HDAC4: variants seen among roughly 807,000 people sequenced by gnomAD.
HDAC4 encodes histone deacetylase A.
A neutral mutation model predicts 135.1 loss-of-function variants in HDAC4; 16 were observed. That is an observed-to-expected ratio of 0.12 (90% CI 0.08 to 0.18). The LOEUF (loss-of-function observed/expected upper bound fraction) is 0.18, where lower values mean the gene tolerates loss of function less well. Among genes scored for constraint, HDAC4 ranks in the 10% least tolerant of loss-of-function variants. The pLI, the probability that HDAC4 is intolerant of heterozygous loss-of-function variation, is 1.00. For synonymous variants in HDAC4, 685 were observed against 653.4 expected (o/e 1.05, Z -0.74); for missense variants, 1,143 against 1,511.8 (o/e 0.76, Z 4.05).
chr2:239,162,357 T>A (rs3791516), intron 6 of HDAC4: 39,403 of 456,212 alleles, frequency 0.086, 2,063 homozygotes, highest in East Asian at 0.18. Context: ...TGGCTCCTCA[T>A]CCTGCCCTTT....
chr2:239,247,311 C>G (rs535871257), intron 2 of HDAC4, among the ~76,000 whole-genome samples: 1 of 152,212 alleles, frequency 6.6e-6, no homozygotes, highest in Non-Finnish European at 1.5e-5. Context: ...AATTCCTACC[C>G]GCATCTACCC....
rs766000387 is a variant in HDAC4 at position 239,053,479 on chromosome 2, C to A, written c.3211G>T (p.Val1071Leu). 1 of 1,613,336 alleles carries A rather than the reference C, an allele frequency of 6.2e-7. No homozygotes were observed. The highest frequency in any genetic ancestry group is 1.7e-5 in the Admixed American group (1 of 60,006). ...GCTCACCTCTTTTCGGCGGGCTTCA[C>A]GCCCACGGACAGCGAGGCCATGGCG... is the stretch of plus-strand genomic sequence containing the variant. ...VTAMASLSVG[V>L]KPAEKRPDEE... The change falls in exon 26 of 27, where the codon GTG becomes TTG. Residue 1071 changes from valine to leucine, a missense_variant. By Grantham distance (32) the Val-to-Leu change is conservative (BLOSUM62 1). This residue lies in a region of HDAC4 where 131 missense variants were observed against 130.6 expected (regional missense o/e 1.00). Coordinates refer to ENST00000543185, the MANE Select transcript of HDAC4 (RefSeq NM_001378414.1).
At chr2:239,147,696 G>A (rs1489308363) in intron 7 of HDAC4, among the ~76,000 whole-genome samples, 2 of 152,288 alleles carry the variant, frequency 1.3e-5, no homozygotes, top group Non-Finnish European at 2.9e-5. Flanking sequence ...GCGTGGGTGA[G>A]GGCAGGAAGG....
At chr2:239,058,309 C>A (rs373968305) in intron 24 of HDAC4, among the ~76,000 whole-genome samples, 8 of 151,824 alleles carry the variant, frequency 5.3e-5, no homozygotes, top group African/African-American at 1.9e-4. Context: ...CAAGAGAAGG[C>A]GAGAAAAGAG....
chr2:239,317,536 A>G (rs913581419), intron 2 of HDAC4, among the ~76,000 whole-genome samples: 1 of 152,222 alleles, frequency 6.6e-6, no homozygotes, highest in African/African-American at 2.4e-5. Context: ...CAGAAACGCC[A>G]GCATGAAGGG....
intron 2 of HDAC4, among the ~76,000 whole-genome samples, chr2:239,247,695 T>C (rs2048545809): frequency 6.6e-6 from 1 of 152,224 alleles, no homozygotes; most frequent in South Asian, 2.1e-4. Context: ...GGAAAATAGG[T>C]GCATGTTAAT....
intron 3 of HDAC4, among the ~76,000 whole-genome samples, chr2:239,195,454 G>C (rs1387244361): frequency 6.6e-6 from 1 of 152,208 alleles, no homozygotes; most frequent in African/African-American, 2.4e-5. Flanking sequence ...GGGTGGGTGG[G>C]GATGAGGCCC....
At chr2:239,276,794 A>C (rs2125307869) in intron 2 of HDAC4, among the ~76,000 whole-genome samples, 1 of 152,356 alleles carries the variant, frequency 6.6e-6, no homozygotes, top group Non-Finnish European at 1.5e-5. Flanking sequence ...GCAAGACGGC[A>C]GAGGGAGGCC....
chr2:239,080,899 C>T (rs1440944188), intron 22 of HDAC4, 196 bp downstream of exon 22: 2 of 592,840 alleles, frequency 3.4e-6, no homozygotes, highest in Non-Finnish European at 6.0e-6. Context: ...GCACTAAGAG[C>T]TGATGGTAAG....
In HDAC4 at chr2:239,252,736, C is replaced by T. The variant is rs375021735; in HGVS notation, c.23-16072G>A. 7.2e-5 allele frequency among the ~76,000 whole-genome samples: 11 copies of T among 152,320 alleles called. 1 individual carries two copies. In the East Asian group the frequency reaches 2.1e-3, roughly 29 times the overall value. ...TTAAAATGTTTTCTTAAACGATTTT[C>T]CAAGGTTTTAAATGCTTCATAGCTC... On this transcript the variant is annotated intron_variant, in intron 2 of 26. Coordinates refer to ENST00000543185, the MANE Select transcript of HDAC4 (RefSeq NM_001378414.1).
chr2:239,312,081 G>C (rs1166618045), intron 2 of HDAC4, among the ~76,000 whole-genome samples: 2 of 152,188 alleles, frequency 1.3e-5, no homozygotes, highest in African/African-American at 2.4e-5. Flanking sequence ...TCTCAGTTTA[G>C]ACTTGAGGAA....
intron 1 of HDAC4, among the ~76,000 whole-genome samples, chr2:239,375,857 C>T (rs1046691923): frequency 4.6e-5 from 7 of 152,208 alleles, no homozygotes. Flanking sequence ...CAGCCCAGGC[C>T]TCTTGCCGGC....
At chr2:239,053,429 C>T in intron 26 of HDAC4, 31 bp downstream of exon 26, 1 of 1,607,404 alleles carries the variant, frequency 6.2e-7, no homozygotes, top group Middle Eastern at 1.7e-4. Context: ...GCTGGGTGAG[C>T]CTGCAGGCGG....
chr2:239,298,365 T>G, intron 2 of HDAC4: 1 of 1,190,184 alleles, frequency 8.4e-7, no homozygotes, highest in Non-Finnish European at 1.1e-6. Context: ...TGACACACAG[T>G]AGGGATCCGG....
At chr2:239,183,687 C>T (rs2044301903) in intron 4 of HDAC4, among the ~76,000 whole-genome samples, 1 of 152,208 alleles carries the variant, frequency 6.6e-6, no homozygotes, top group Non-Finnish European at 1.5e-5. Context: ...GACTCTGCTC[C>T]AAACCAAGAG....
rs748908618 is a variant in HDAC4, at chr2:239,115,340, A to G, written c.1534-30T>C. 6.2e-7 allele frequency: 1 copy of G among 1,612,692 alleles called. No homozygotes were observed. Among genetic ancestry groups the G allele is most frequent in the Non-Finnish European group, 8.5e-7 (1 of 1,179,842 alleles). ...AAGGCGGAGGTAACACATGAAGCAC[A>G]GAGAGCTGGGTCCTCTGAGCTCATC... is the stretch of plus-strand genomic sequence containing the variant. On this transcript the variant is annotated intron_variant, in intron 12 of 26. Coordinates refer to ENST00000543185, the MANE Select transcript of HDAC4 (RefSeq NM_001378414.1). This position sits in a 1 kb window ranked among gnomAD's most constrained non-coding sequence, Gnocchi z 6.3.
chr2:239,310,893 G>A (rs183672676), intron 2 of HDAC4, among the ~76,000 whole-genome samples: 1 of 152,148 alleles, frequency 6.6e-6, no homozygotes, highest in Non-Finnish European at 1.5e-5. Flanking sequence ...GGTTAGCCAC[G>A]TCCAACACCA....
intron 3 of HDAC4, among the ~76,000 whole-genome samples, chr2:239,203,203 G>A (rs141340069): frequency 7.2e-5 from 11 of 152,324 alleles, no homozygotes; most frequent in African/African-American, 2.4e-4. Flanking sequence ...CAGTGTGGAT[G>A]CCTAGCCCTG....
intron 2 of HDAC4, among the ~76,000 whole-genome samples, chr2:239,348,104 C>A (rs1447040858): frequency 6.7e-6 from 1 of 150,148 alleles, no homozygotes; most frequent in Non-Finnish European, 1.5e-5. Flanking sequence ...TGCTTCCTAT[C>A]GAGAGCATCA....
Sources: allele counts gnomAD v4.1 joint callset (sites outside exome capture counted in the v4.1 genomes callset), GRCh38; gene constraint gnomAD v4.1.1; regional missense constraint gnomAD v4.1.1; non-coding constraint Gnocchi (gnomAD v3.1); transcripts MANE v1.5; gene names NCBI Gene and HGNC (gene_info 2026-07-23, HGNC 2026-07-21).